CDKAL1: variants seen among roughly 807,000 people sequenced by gnomAD.
CDKAL1 encodes CDKAL1 threonylcarbamoyladenosine tRNA methylthiotransferase, also known as threonylcarbamoyladenosine tRNA methylthiotransferase.
In CDKAL1, 32 loss-of-function variants were observed where a neutral mutation model predicts 68.2. The observed-to-expected ratio is 0.47, with a 90% CI of 0.35 to 0.63. The LOEUF is 0.63. Among genes scored for constraint, CDKAL1 ranks in the 30% least tolerant of loss-of-function variants. The pLI, the probability that CDKAL1 is intolerant of heterozygous loss-of-function variation, is 0.00. For synonymous variants in CDKAL1, 234 were observed against 244.3 expected (o/e 0.96, Z 0.39); for missense variants, 606 against 696.7 (o/e 0.87, Z 1.47).
intron 4 of CDKAL1, among the ~76,000 whole-genome samples, chr6:20,635,982 A>C (rs1767888854): frequency 6.6e-6 from 1 of 152,126 alleles, no homozygotes; most frequent in Non-Finnish European, 1.5e-5. Flanking sequence ...ACTGGGGGAA[A>C]CATAGTAGGA....
At chr6:20,823,258 C>A (rs1212834054) in intron 8 of CDKAL1, among the ~76,000 whole-genome samples, 2 of 152,124 alleles carry the variant, frequency 1.3e-5, no homozygotes, top group Non-Finnish European at 2.9e-5. Flanking sequence ...TTGTTACCTT[C>A]CTTGATTTGG....
At chr6:21,192,579 A>G (rs547718072) in intron 13 of CDKAL1, among the ~76,000 whole-genome samples, 1 of 152,216 alleles carries the variant, frequency 6.6e-6, no homozygotes, top group African/African-American at 2.4e-5. Context: ...ACAATCAGTT[A>G]CTTTCCTGAC....
chr6:20,943,733 T>C (rs1044056524), intron 9 of CDKAL1, among the ~76,000 whole-genome samples: 1 of 152,114 alleles, frequency 6.6e-6, no homozygotes, highest in East Asian at 1.9e-4. Flanking sequence ...CCTCGCCTGC[T>C]AATTCCATCA....
chr6:20,834,465 G>A (rs1777847424), intron 8 of CDKAL1, among the ~76,000 whole-genome samples: 1 of 152,120 alleles, frequency 6.6e-6, no homozygotes, highest in Non-Finnish European at 1.5e-5. Flanking sequence ...CTGTTTTCAC[G>A]AACCTAAGCT....
intron 9 of CDKAL1, among the ~76,000 whole-genome samples, chr6:20,876,918 T>G (rs926484366): frequency 1.3e-5 from 2 of 152,204 alleles, no homozygotes; most frequent in Non-Finnish European, 2.9e-5. Context: ...TTATTACAAA[T>G]TAGTCTTCTA....
intron 10 of CDKAL1, among the ~76,000 whole-genome samples, chr6:20,957,536 T>C (rs1394894360): frequency 6.6e-6 from 1 of 152,246 alleles, no homozygotes; most frequent in Non-Finnish European, 1.5e-5. Context: ...TGACATTATA[T>C]TTTTTAAAAT....
rs1561950229 is a variant in CDKAL1 at position 21,000,214 on chromosome 6, C to G, written c.910-13C>G. On this transcript the variant is annotated splice_polypyrimidine_tract_variant and intron_variant, in intron 10 of 15. Coordinates refer to ENST00000274695, the MANE Select transcript of CDKAL1 (RefSeq NM_017774.3). ...TTAAAATGATTAGTGTTTTCTCCTTCCATTTTTTTAAGGAAATGGCAAAAA... is the reference window on the plus strand; with the variant it reads ...TTAAAATGATTAGTGTTTTCTCCTTGCATTTTTTTAAGGAAATGGCAAAAA... 3 of 1,606,684 alleles carry G rather than the reference C, an allele frequency of 1.9e-6. No homozygotes were observed. The highest frequency in any genetic ancestry group is 2.6e-6 in the Non-Finnish European group (3 of 1,175,746).
At chr6:21,008,519 T>C (rs1049517131) in intron 11 of CDKAL1, among the ~76,000 whole-genome samples, 23 of 152,188 alleles carry the variant, frequency 1.5e-4, no homozygotes, top group African/African-American at 5.1e-4. Context: ...TTGCCTCTTA[T>C]AAGCAAGCAC....
chr6:20,748,650 T>A (rs1445067154), intron 6 of CDKAL1, among the ~76,000 whole-genome samples: 2 of 136,298 alleles, frequency 1.5e-5, no homozygotes, highest in African/African-American at 5.6e-5. Flanking sequence ...CATAGACGAA[T>A]GGGAACAGAA....
chr6:20,955,267 A>G (rs934634289), intron 9 of CDKAL1, 152 bp from the exon 10 acceptor site: 8 of 696,058 alleles, frequency 1.1e-5, no homozygotes, highest in East Asian at 2.6e-5. Flanking sequence ...ACCCACTGGC[A>G]CCATGGGATA....
At chr6:20,795,750 A>C (rs1363669785) in intron 8 of CDKAL1, among the ~76,000 whole-genome samples, 1 of 152,236 alleles carries the variant, frequency 6.6e-6, no homozygotes, top group Non-Finnish European at 1.5e-5. Flanking sequence ...AACAAAAAGT[A>C]TATAATAGAT....
At chr6:21,210,456 A>T (rs6915037) in intron 15 of CDKAL1, among the ~76,000 whole-genome samples, 21,791 of 152,084 alleles carry the variant, frequency 0.14, 1,633 homozygotes, top group East Asian at 0.22. Flanking sequence ...CAGCAAGAAG[A>T]CTCTGTCTAT....
At chr6:20,557,318 A>C (rs1050619065) in intron 4 of CDKAL1, among the ~76,000 whole-genome samples, 3 of 152,014 alleles carry the variant, frequency 2.0e-5, no homozygotes, top group Non-Finnish European at 4.4e-5. Context: ...ATTATAGTGC[A>C]AGTAAATTGT....
intron 3 of CDKAL1, among the ~76,000 whole-genome samples, chr6:20,548,125 A>G (rs1763676124): frequency 6.6e-6 from 1 of 152,218 alleles, no homozygotes; most frequent in South Asian, 2.1e-4. Flanking sequence ...TGATACAACA[A>G]CAGATTTTGA....
intron 11 of CDKAL1, among the ~76,000 whole-genome samples, chr6:21,047,869 C>T (rs567066939): frequency 3.3e-5 from 5 of 152,222 alleles, no homozygotes; most frequent in Admixed American, 3.3e-4. Flanking sequence ...TAGGATTGCT[C>T]AGAGAGGAAG....
At chr6:20,969,993 C>T (rs1478813768) in intron 10 of CDKAL1, among the ~76,000 whole-genome samples, 1 of 151,160 alleles carries the variant, frequency 6.6e-6, no homozygotes, top group African/African-American at 2.4e-5. Flanking sequence ...GCTGTTATCA[C>T]AGCCTGAGGC....
chr6:20,868,613 T>G lies in CDKAL1; in HGVS notation c.742+22435T>G, dbSNP rs369589238. 5.9e-5 allele frequency among the ~76,000 whole-genome samples: 9 copies of G among 152,356 alleles called. No homozygotes were observed. In the East Asian group the frequency reaches 1.4e-3, roughly 23 times the overall value. On this transcript the variant is annotated intron_variant, in intron 9 of 15. Transcript: ENST00000274695. ...GAGCTGGAAGCTAATGTTGGCTTAT[T>G]TTTAGCATAAAAAGAGTTGCACCTG...
intron 15 of CDKAL1, among the ~76,000 whole-genome samples, chr6:21,227,188 A>T (rs570808228): frequency 6.6e-6 from 1 of 152,212 alleles, no homozygotes; most frequent in Non-Finnish European, 1.5e-5. Flanking sequence ...GACTTTTTCT[A>T]TCGGCTGTTT....
At chr6:20,547,243 TA>T (rs1235719839) in intron 3 of CDKAL1, among the ~76,000 whole-genome samples, 1 of 152,332 alleles carries the variant, frequency 6.6e-6, no homozygotes, top group East Asian at 1.9e-4. Flanking sequence ...GGTAATTGGT[TA>T]AAAAGAAATG....
Sources: allele counts gnomAD v4.1 joint callset (sites outside exome capture counted in the v4.1 genomes callset), GRCh38; gene constraint gnomAD v4.1.1; transcripts MANE v1.5; gene names NCBI Gene and HGNC (gene_info 2026-07-23, HGNC 2026-07-21).